RNF150: variants seen among roughly 807,000 people sequenced by gnomAD.
RNF150 encodes ring finger protein 150.
RNF150 carries 24 observed loss-of-function variants against 39.3 expected under a neutral mutation model. The observed-to-expected ratio is 0.61, with a 90% CI of 0.44 to 0.86. RNF150 has a LOEUF of 0.86. Ranked by LOEUF, RNF150 falls within the 40% of genes least tolerant of loss-of-function variation. The pLI, the probability that RNF150 is intolerant of heterozygous loss-of-function variation, is 0.00. For synonymous variants in RNF150, 255 were observed against 227.3 expected (o/e 1.12, Z -1.10); for missense variants, 502 against 587.8 (o/e 0.85, Z 1.51).
chr4:140,980,538 A>T (rs1733821171), intron 1 of RNF150, among the ~76,000 whole-genome samples: 1 of 152,106 alleles, frequency 6.6e-6, no homozygotes, highest in Admixed American at 6.6e-5. Flanking sequence ...ATCTTGAATT[A>T]TAGTTCCCAT....
intron 2 of RNF150, among the ~76,000 whole-genome samples, chr4:140,961,187 A>G (rs1579006569): frequency 6.6e-6 from 1 of 152,178 alleles, no homozygotes. Flanking sequence ...CCATGTTACC[A>G]TCTAAAAGAC....
At chr4:141,089,252 T>C (rs1278874982) in intron 1 of RNF150, among the ~76,000 whole-genome samples, 2 of 127,846 alleles carry the variant, frequency 1.6e-5, no homozygotes, top group East Asian at 9.6e-4. Flanking sequence ...CCTCTAGGAA[T>C]ACGTCAAATC....
intron 6 of RNF150, among the ~76,000 whole-genome samples, chr4:140,876,382 C>T (rs1014747770): frequency 3.9e-5 from 6 of 152,186 alleles, no homozygotes; most frequent in South Asian, 2.1e-4. Context: ...TTAAATGCAG[C>T]GTGTTTGCAA....
At chr4:140,961,151 C>T (rs1733007087) in intron 2 of RNF150, among the ~76,000 whole-genome samples, 1 of 152,122 alleles carries the variant, frequency 6.6e-6, no homozygotes, top group Non-Finnish European at 1.5e-5. Context: ...AATCTTCTCT[C>T]CATTTTTAGT....
intron 6 of RNF150, among the ~76,000 whole-genome samples, chr4:140,899,733 C>A (rs1578944147): frequency 6.6e-6 from 1 of 152,062 alleles, no homozygotes; most frequent in Non-Finnish European, 1.5e-5. Context: ...TAACTGATAA[C>A]CACAATTGTG....
intron 1 of RNF150, among the ~76,000 whole-genome samples, chr4:141,085,651 C>T (rs1042197244): frequency 6.6e-6 from 1 of 152,214 alleles, no homozygotes; most frequent in African/African-American, 2.4e-5. Flanking sequence ...TCCTGACCCA[C>T]AGAATCTGTG....
intron 5 of RNF150, among the ~76,000 whole-genome samples, chr4:140,920,550 A>G (rs1731073479): frequency 9.4e-6 from 1 of 106,244 alleles, no homozygotes; most frequent in Non-Finnish European, 2.0e-5. Flanking sequence ...GGTGCTGGAG[A>G]GGATGTGGAG....
chr4:141,046,786 G>A (rs1046206492), intron 1 of RNF150, among the ~76,000 whole-genome samples: 1 of 152,036 alleles, frequency 6.6e-6, no homozygotes, highest in African/African-American at 2.4e-5. Context: ...ACAATTATTG[G>A]GCCTAGGTAA....
intron 1 of RNF150, among the ~76,000 whole-genome samples, chr4:140,996,002 G>A (rs1224884735): frequency 6.6e-6 from 1 of 152,028 alleles, no homozygotes; most frequent in Non-Finnish European, 1.5e-5. Context: ...CTAGCAATGG[G>A]ATTGCTGGAT....
intron 1 of RNF150, among the ~76,000 whole-genome samples, chr4:141,110,947 T>A (rs1739365470): frequency 6.6e-6 from 1 of 152,158 alleles, no homozygotes. Context: ...AAAAAGCTAA[T>A]CAGTGATTTC....
chr4:140,886,408 T>G (rs1406572499), intron 6 of RNF150, among the ~76,000 whole-genome samples: 6 of 152,116 alleles, frequency 3.9e-5, no homozygotes, highest in Admixed American at 1.3e-4. Flanking sequence ...CATCCCACAA[T>G]GCTCCACTAG....
intron 1 of RNF150, among the ~76,000 whole-genome samples, chr4:141,176,478 G>A (rs1349833441): frequency 6.6e-6 from 1 of 152,072 alleles, no homozygotes. Context: ...GTATTGCTTT[G>A]TTACTTTTTT....
intron 5 of RNF150, among the ~76,000 whole-genome samples, chr4:140,918,736 A>G (rs192910595): frequency 0.014 from 437 of 31,982 alleles, 2 homozygotes; most frequent in African/African-American, 0.038. Flanking sequence ...CAACCAAAAA[A>G]GAGAATTTTA....
rs571935697 is a variant in RNF150 at position 141,030,609 on chromosome 4, A to G, written c.485-62736T>C. 2.6e-5 allele frequency among the ~76,000 whole-genome samples: 4 copies of G among 152,354 alleles called. No individual in the cohort carries two copies. In the South Asian group the frequency reaches 8.3e-4, roughly 32 times the overall value. On this transcript the variant is annotated intron_variant, in intron 1 of 6. Transcript: ENST00000515673. ...ATGTGGTTTACACATATAAAGGACT[A>G]TTCCACAGCCTTAAAAATGAAGGAA...
chr4:140,925,772 T>C (rs1488617700), intron 5 of RNF150, among the ~76,000 whole-genome samples: 1 of 152,000 alleles, frequency 6.6e-6, no homozygotes, highest in Non-Finnish European at 1.5e-5. Flanking sequence ...ATAATGGACA[T>C]GGTGAAAGGT....
intron 5 of RNF150, among the ~76,000 whole-genome samples, chr4:140,916,008 C>A (rs1305611716): frequency 6.6e-6 from 1 of 152,156 alleles, no homozygotes; most frequent in Non-Finnish European, 1.5e-5. Context: ...GGAAAACTAA[C>A]AAACAGAAAG....
chr4:141,098,522 A>G (rs965023346), intron 1 of RNF150, among the ~76,000 whole-genome samples: 3 of 152,210 alleles, frequency 2.0e-5, no homozygotes, highest in Non-Finnish European at 4.4e-5. Flanking sequence ...CTGACTAGAG[A>G]TATGATCTTG....
At chr4:140,947,261 T>C (rs1732353738) in intron 4 of RNF150, among the ~76,000 whole-genome samples, 1 of 152,216 alleles carries the variant, frequency 6.6e-6, no homozygotes. Flanking sequence ...TTCATGTTCA[T>C]TCACAAAATA....
In RNF150 at chr4:140,895,005, A is replaced by G. The variant is rs933237124; in HGVS notation, c.1198+16139T>C. Among the ~76,000 whole-genome samples, 3 of 152,192 alleles carry G rather than the reference A, an allele frequency of 2.0e-5. No individual in the cohort carries two copies. The East Asian group carries it at 5.8e-4, about 29-fold the overall frequency. Reference sequence around the variant, plus strand: ...GGGAGAGCAGACTCTTTCTTGCCCCAGGAATCTGCAAGCCTGGCAAAAAGA... The same window carrying G: ...GGGAGAGCAGACTCTTTCTTGCCCCGGGAATCTGCAAGCCTGGCAAAAAGA... On this transcript the variant is annotated intron_variant, in intron 6 of 6. Coordinates refer to ENST00000515673, the MANE Select transcript of RNF150 (RefSeq NM_020724.2).
Sources: gnomAD v4.1 joint callset for allele counts (sites outside exome capture counted in the v4.1 genomes callset) on GRCh38, gnomAD v4.1.1 for gene constraint, MANE v1.5 for transcripts, NCBI Gene and HGNC (gene_info 2026-07-23, HGNC 2026-07-21) for gene names.